OPCML: variants seen among roughly 807,000 people sequenced by gnomAD.
OPCML encodes opioid binding protein/cell adhesion molecule like.
Under a neutral mutation model 37.8 loss-of-function variants are expected in OPCML, and 13 were observed. The observed-to-expected ratio is 0.34, with a 90% confidence interval of 0.22 to 0.55. The LOEUF is 0.55. Among genes scored for constraint, OPCML ranks in the 20% least tolerant of loss-of-function variants. The probability of loss-of-function intolerance (pLI) is 0.91; values close to 1 mark genes in which losing one functional copy is unlikely to be tolerated. For missense variants in OPCML, 341 were observed against 435.6 expected (o/e 0.78, Z 1.93); for synonymous variants, 176 against 168.8 (o/e 1.04, Z -0.33).
chr11:132,594,782 G>T (rs1015238902), intron 3 of OPCML, among the ~76,000 whole-genome samples: 1 of 152,060 alleles, frequency 6.6e-6, no homozygotes, highest in African/African-American at 2.4e-5. Context: ...AATAACAAAT[G>T]GTCTGATCTT....
chr11:132,728,508 G>A (rs1453207351), intron 2 of OPCML, among the ~76,000 whole-genome samples: 2 of 152,124 alleles, frequency 1.3e-5, no homozygotes, highest in African/African-American at 2.4e-5. Flanking sequence ...TATACTAATT[G>A]CTACTAATTA....
chr11:133,249,971 G>C (rs1304017075), intron 1 of OPCML, among the ~76,000 whole-genome samples: 1 of 152,210 alleles, frequency 6.6e-6, no homozygotes, highest in African/African-American at 2.4e-5. Flanking sequence ...CTCTCCATGA[G>C]CTTGGGAAAT....
chr11:132,430,785 C>T (rs1300501626), intron 7 of OPCML, among the ~76,000 whole-genome samples: 1 of 152,186 alleles, frequency 6.6e-6, no homozygotes, highest in Admixed American at 6.5e-5. Context: ...TGCGTTCTCT[C>T]TCCCCTTCCC....
At chr11:133,437,438 G>C (rs928544814) in intron 1 of OPCML, among the ~76,000 whole-genome samples, 10 of 152,114 alleles carry the variant, frequency 6.6e-5, no homozygotes, top group Admixed American at 2.0e-4. Context: ...ATGTGCACTT[G>C]GGAAATTGCA....
intron 1 of OPCML, among the ~76,000 whole-genome samples, chr11:133,057,932 G>GT (rs1158870350): frequency 6.6e-6 from 1 of 152,168 alleles, no homozygotes; most frequent in African/African-American, 2.4e-5. Flanking sequence ...CTGTACATCT[G>GT]TTTTCTTTAG....
chr11:133,056,479 A>G (rs772522143), intron 1 of OPCML, among the ~76,000 whole-genome samples: 1 of 152,238 alleles, frequency 6.6e-6, no homozygotes, highest in African/African-American at 2.4e-5. Flanking sequence ...TATGAAAACC[A>G]AAATAAACCA....
At chr11:132,430,089 G>A (rs538142117) in intron 7 of OPCML, among the ~76,000 whole-genome samples, 1 of 152,290 alleles carries the variant, frequency 6.6e-6, no homozygotes, top group African/African-American at 2.4e-5. Flanking sequence ...AAGTAGGTTT[G>A]AGAAAGGCAG....
At chr11:132,541,209 A>G (rs1249265153) in intron 3 of OPCML, among the ~76,000 whole-genome samples, 1 of 152,146 alleles carries the variant, frequency 6.6e-6, no homozygotes, top group Non-Finnish European at 1.5e-5. Context: ...AGGCCCCCTG[A>G]GTATTTCCGG....
At chr11:133,023,737 G>C (rs1947496359) in intron 1 of OPCML, among the ~76,000 whole-genome samples, 1 of 152,138 alleles carries the variant, frequency 6.6e-6, no homozygotes, top group Non-Finnish European at 1.5e-5. Context: ...TATTTACAGA[G>C]GGTTTTAAAA....
chr11:132,437,510 C>G, intron 4 of OPCML, 151 bp from the exon 5 acceptor site: 1 of 1,446,432 alleles, frequency 6.9e-7, no homozygotes. Flanking sequence ...CATCATGTTG[C>G]TCAAAAGATA....
intron 3 of OPCML, among the ~76,000 whole-genome samples, chr11:132,648,209 G>T (rs969456071): frequency 2.0e-5 from 3 of 152,156 alleles, no homozygotes; most frequent in Non-Finnish European, 4.4e-5. Flanking sequence ...GGTCATGGTG[G>T]ACATTAATCT....
intron 3 of OPCML, among the ~76,000 whole-genome samples, chr11:132,558,174 C>T (rs1206750350): frequency 1.3e-5 from 2 of 152,028 alleles, no homozygotes; most frequent in Non-Finnish European, 2.9e-5. Context: ...TTTTCCCCTT[C>T]TCCATAAAAA....
At chr11:132,769,193 A>T (rs1195480823) in intron 2 of OPCML, among the ~76,000 whole-genome samples, 3 of 150,912 alleles carry the variant, frequency 2.0e-5, no homozygotes, top group African/African-American at 7.3e-5. Context: ...AGAAGTGATA[A>T]CTATGCTGAG....
intron 2 of OPCML, among the ~76,000 whole-genome samples, chr11:132,816,111 G>C (rs1226244925): frequency 2.0e-5 from 3 of 152,212 alleles, no homozygotes; most frequent in Admixed American, 6.5e-5. Flanking sequence ...GGAAATAAGA[G>C]TAATATTGGA....
At chr11:132,898,845 C>CG (rs1199463265) in intron 2 of OPCML, among the ~76,000 whole-genome samples, 1 of 151,626 alleles carries the variant, frequency 6.6e-6, no homozygotes, top group African/African-American at 2.4e-5. Context: ...ACTGCCCCCC[C>CG]CACCCCCGCA....
chr11:132,608,533 T>A (rs2137826651), intron 3 of OPCML, among the ~76,000 whole-genome samples: 1 of 152,302 alleles, frequency 6.6e-6, no homozygotes, highest in Non-Finnish European at 1.5e-5. Context: ...GAACCCAGAC[T>A]CCAGGGTGTC....
intron 1 of OPCML, among the ~76,000 whole-genome samples, chr11:133,391,489 A>G (rs1195363485): frequency 1.3e-5 from 2 of 152,174 alleles, no homozygotes; most frequent in Non-Finnish European, 2.9e-5. Flanking sequence ...TATTCAGCAG[A>G]GCTCCCCAAC....
At chr11:132,935,777 G>A (rs1439011449) in intron 2 of OPCML, among the ~76,000 whole-genome samples, 1 of 152,190 alleles carries the variant, frequency 6.6e-6, no homozygotes, top group Non-Finnish European at 1.5e-5. Context: ...GGATAATGGA[G>A]TGACGTATTT....
chr11:132,761,452 G>A (rs1456980094), intron 2 of OPCML, among the ~76,000 whole-genome samples: 4 of 152,008 alleles, frequency 2.6e-5, no homozygotes, highest in Non-Finnish European at 2.9e-5. Context: ...CCTATCAAAC[G>A]TAGGTTTACT....
Sources: allele counts gnomAD v4.1 joint callset (sites outside exome capture counted in the v4.1 genomes callset), GRCh38; gene constraint gnomAD v4.1.1; transcripts MANE v1.5; gene names NCBI Gene and HGNC (gene_info 2026-07-23, HGNC 2026-07-21).